Variants in LHFPL6 observed in about 807,000 individuals in gnomAD.
The protein encoded by LHFPL6 is LHFPL tetraspan subfamily member 6 protein.
LHFPL6 carries 9 observed loss-of-function variants against 20.6 expected under a neutral mutation model. The ratio of observed to expected loss-of-function variants is 0.44; its 90% CI spans 0.26 to 0.76. The LOEUF (loss-of-function observed/expected upper bound fraction) is 0.76. LHFPL6 is among the 30% of genes least tolerant of loss of function. The pLI is 0.20. For missense variants in LHFPL6, 218 were observed against 253.5 expected, an observed-to-expected ratio of 0.86 and a Z score of 0.95; for synonymous variants, 105 against 98.7, an observed-to-expected ratio of 1.06 and a Z score of -0.38.
intron 2 of LHFPL6, among the ~76,000 whole-genome samples, chr13:39,574,618 C>G (rs1177123611): frequency 6.6e-6 from 1 of 152,030 alleles, no homozygotes; most frequent in African/African-American, 2.4e-5. Flanking sequence ...TCTTGTTCTC[C>G]TAGCTGCACT....
intron 2 of LHFPL6, among the ~76,000 whole-genome samples, chr13:39,488,083 C>G (rs974470130): frequency 1.3e-5 from 2 of 152,126 alleles, no homozygotes; most frequent in Non-Finnish European, 2.9e-5. Context: ...ATGATTAGGT[C>G]ATAAGGGCCC....
intron 2 of LHFPL6, among the ~76,000 whole-genome samples, chr13:39,544,740 G>C (rs1036503853): frequency 6.6e-6 from 1 of 152,096 alleles, no homozygotes; most frequent in Admixed American, 6.5e-5. Flanking sequence ...TACTAAAATA[G>C]AACTATCAAT....
chr13:39,543,437 G>A (rs1870872269), intron 2 of LHFPL6, among the ~76,000 whole-genome samples: 1 of 152,162 alleles, frequency 6.6e-6, no homozygotes, highest in Non-Finnish European at 1.5e-5. Context: ...CCCACCATCT[G>A]TCATGGTGCT....
chr13:39,434,847 G>A (rs1473928000), intron 2 of LHFPL6, among the ~76,000 whole-genome samples: 1 of 151,772 alleles, frequency 6.6e-6, no homozygotes, highest in Non-Finnish European at 1.5e-5. Flanking sequence ...ATGAGGTCAG[G>A]AGATTGAGAC....
At chr13:39,492,751 G>A (rs758315986) in intron 2 of LHFPL6, among the ~76,000 whole-genome samples, 41 of 151,958 alleles carry the variant, frequency 2.7e-4, no homozygotes, top group Non-Finnish European at 4.4e-4. Flanking sequence ...TGCAACCTCC[G>A]CTTACCTCAA....
intron 2 of LHFPL6, among the ~76,000 whole-genome samples, chr13:39,527,088 T>C (rs535043316): frequency 2.0e-5 from 3 of 152,338 alleles, no homozygotes; most frequent in African/African-American, 7.2e-5. Flanking sequence ...GTGCTGGTAC[T>C]TACCTTGCTC....
intron 2 of LHFPL6, among the ~76,000 whole-genome samples, chr13:39,507,250 C>T (rs1357483207): frequency 6.6e-6 from 1 of 152,198 alleles, no homozygotes; most frequent in Non-Finnish European, 1.5e-5. Context: ...ACAAGCAGTG[C>T]TCTGTGGCCC....
At chr13:39,445,953 T>C (rs1417985601) in intron 2 of LHFPL6, among the ~76,000 whole-genome samples, 1 of 150,754 alleles carries the variant, frequency 6.6e-6, no homozygotes, top group Non-Finnish European at 1.5e-5. Context: ...TGCATTTTTC[T>C]CTCCACAAAA....
At chr13:39,593,120 A>G (rs1274421546) in intron 2 of LHFPL6, among the ~76,000 whole-genome samples, 1 of 152,224 alleles carries the variant, frequency 6.6e-6, no homozygotes, top group Non-Finnish European at 1.5e-5. Flanking sequence ...AGTTCTGGCC[A>G]GGACAATCAG....
chr13:39,552,901 ATACTTATTC>A (rs1871182452), intron 2 of LHFPL6, among the ~76,000 whole-genome samples: 1 of 152,136 alleles, frequency 6.6e-6, no homozygotes, highest in African/African-American at 2.4e-5. Flanking sequence ...GATTTGTTGT[ATACTTATTC>A]TGGAGGTGGT....
chr13:39,481,671 G>A (rs549372283), intron 2 of LHFPL6, among the ~76,000 whole-genome samples: 12 of 152,228 alleles, frequency 7.9e-5, no homozygotes, highest in African/African-American at 2.9e-4. Flanking sequence ...CATTGGGACT[G>A]TAACACAAAA....
At chr13:39,359,317 A>G (rs1437645915) in intron 3 of LHFPL6, among the ~76,000 whole-genome samples, 2 of 152,162 alleles carry the variant, frequency 1.3e-5, no homozygotes, top group African/African-American at 2.4e-5. Flanking sequence ...CAACTCAACA[A>G]TCTCACTGCT....
At chr13:39,356,240 T>G (rs888257060) in intron 3 of LHFPL6, among the ~76,000 whole-genome samples, 3 of 152,122 alleles carry the variant, frequency 2.0e-5, no homozygotes, top group Non-Finnish European at 2.9e-5. Context: ...ACCACATAAT[T>G]ACATGAAAAT....
At chr13:39,549,928 C>T (rs1566138851) in intron 2 of LHFPL6, among the ~76,000 whole-genome samples, 1 of 151,828 alleles carries the variant, frequency 6.6e-6, no homozygotes, top group Non-Finnish European at 1.5e-5. Context: ...CATAAGGCTA[C>T]ATTAGACACA....
intron 2 of LHFPL6, among the ~76,000 whole-genome samples, chr13:39,471,015 T>C (rs1413241345): frequency 2.6e-5 from 4 of 152,220 alleles, no homozygotes; most frequent in African/African-American, 9.6e-5. Flanking sequence ...AGGAAAACCA[T>C]GAACTACATA....
intron 3 of LHFPL6, among the ~76,000 whole-genome samples, chr13:39,376,586 C>T (rs1870299673): frequency 6.6e-6 from 1 of 152,128 alleles, no homozygotes; most frequent in Non-Finnish European, 1.5e-5. Context: ...TTTTCATTTT[C>T]AAATTCACAG....
At chr13:39,377,423 T>C (rs1020465871) in intron 3 of LHFPL6, among the ~76,000 whole-genome samples, 2 of 152,230 alleles carry the variant, frequency 1.3e-5, no homozygotes, top group Non-Finnish European at 2.9e-5. Flanking sequence ...TATGGGTTCA[T>C]ATTCTTTGAT....
chr13:39,507,760 C>T (rs1869536026), intron 2 of LHFPL6, among the ~76,000 whole-genome samples: 1 of 152,108 alleles, frequency 6.6e-6, no homozygotes, highest in Non-Finnish European at 1.5e-5. Context: ...ATATTATTAA[C>T]TTCATTTTAC....
At chr13:39,534,368 C>T (rs1217972163) in intron 2 of LHFPL6, among the ~76,000 whole-genome samples, 1 of 152,146 alleles carries the variant, frequency 6.6e-6, no homozygotes, top group African/African-American at 2.4e-5. Flanking sequence ...CTAGCAATGG[C>T]AGTTTTCAAA....
Sources: gnomAD v4.1 joint callset for allele counts (sites outside exome capture counted in the v4.1 genomes callset) on GRCh38, gnomAD v4.1.1 for gene constraint, MANE v1.5 for transcripts, NCBI Gene and HGNC (gene_info 2026-07-23, HGNC 2026-07-21) for gene names.